Variants in RYR3 observed in about 807,000 individuals in gnomAD.
RYR3 encodes the protein ryanodine receptor 3, also known as brain ryanodine receptor-calcium release channel.
Under a neutral mutation model 584.3 loss-of-function variants are expected in RYR3, and 207 were observed. That is an observed-to-expected ratio of 0.35 (90% CI 0.32 to 0.40). The LOEUF is 0.40. Ranked by LOEUF, RYR3 falls within the 10% of genes least tolerant of loss-of-function variation. RYR3 has a pLI of 1.00. For missense variants in RYR3, 5,616 were observed against 6,089.2 expected, an observed-to-expected ratio of 0.92 and a Z score of 2.59; for synonymous variants, 2,416 against 2,248.5, an observed-to-expected ratio of 1.07 and a Z score of -2.11.
chr15:33,843,775 C>G (rs906859835), intron 92 of RYR3, among the ~76,000 whole-genome samples: 1 of 152,178 alleles, frequency 6.6e-6, no homozygotes, highest in Non-Finnish European at 1.5e-5. Flanking sequence ...AGTGAGGGGA[C>G]TATTTCAATA....
intron 52 of RYR3, among the ~76,000 whole-genome samples, chr15:33,745,234 G>C (rs925813499): frequency 1.3e-5 from 2 of 152,070 alleles, no homozygotes; most frequent in Non-Finnish European, 2.9e-5. Context: ...ATGTAGAGAA[G>C]TAATTTGAGG....
At chr15:33,698,589 G>A (rs1170214483) in intron 40 of RYR3, among the ~76,000 whole-genome samples, 1 of 152,034 alleles carries the variant, frequency 6.6e-6, no homozygotes, top group African/African-American at 2.4e-5. Flanking sequence ...GCAGTAGATC[G>A]GGTATGGCTT....
intron 16 of RYR3, among the ~76,000 whole-genome samples, chr15:33,593,874 A>G (rs1268022166): frequency 3.3e-5 from 5 of 152,182 alleles, no homozygotes; most frequent in Non-Finnish European, 7.3e-5. Context: ...GGTTTGCTTT[A>G]TTATACTTGG....
At position 33,660,177 on chromosome 15, in the gene RYR3, G is replaced by A; in HGVS notation, c.4396-20G>A. Reference sequence around the variant, plus strand: ...AGCAACTGTGTGTTTCTTTTCCAATGCCTTTCCCACGTGCCCCAGAACGCA... The same window carrying A: ...AGCAACTGTGTGTTTCTTTTCCAATACCTTTCCCACGTGCCCCAGAACGCA... On this transcript the variant is annotated intron_variant, in intron 33 of 103. Transcript: ENST00000634891. The A allele has an allele frequency of 6.6e-7, 1 of 1,520,036 alleles. No individual in the cohort carries two copies. The highest frequency in any genetic ancestry group is 8.9e-7 in the Non-Finnish European group (1 of 1,118,968). 94.2% of individuals were successfully genotyped at this position (1,520,036 alleles called of 1,614,324 possible).
At chr15:33,345,979 A>G (rs1397336884) in intron 1 of RYR3, among the ~76,000 whole-genome samples, 1 of 152,232 alleles carries the variant, frequency 6.6e-6, no homozygotes, top group East Asian at 1.9e-4. Flanking sequence ...GTGTTTTTAC[A>G]TAATTATCTT....
chr15:33,491,979 C>G (rs1326003847), intron 2 of RYR3, among the ~76,000 whole-genome samples: 1 of 152,198 alleles, frequency 6.6e-6, no homozygotes, highest in South Asian at 2.1e-4. Flanking sequence ...TTTTACCCAA[C>G]CTCCATACTT....
chr15:33,786,084 A>C, intron 66 of RYR3, 102 bp downstream of exon 66: 1 of 1,068,726 alleles, frequency 9.4e-7, no homozygotes, highest in Non-Finnish European at 1.3e-6. Context: ...CACAAGCTCT[A>C]TTCTATATTT....
At chr15:33,775,405 G>A (rs1287818892) in intron 64 of RYR3, among the ~76,000 whole-genome samples, 1 of 152,042 alleles carries the variant, frequency 6.6e-6, no homozygotes, top group Non-Finnish European at 1.5e-5. Flanking sequence ...AGGCAGCTTC[G>A]CATCTGAGAA....
At chr15:33,781,930 A>C (rs1161190982) in intron 65 of RYR3, among the ~76,000 whole-genome samples, 1 of 152,014 alleles carries the variant, frequency 6.6e-6, no homozygotes, top group Non-Finnish European at 1.5e-5. Context: ...CTTTCCACCA[A>C]AGTGGAAGCT....
intron 67 of RYR3, among the ~76,000 whole-genome samples, chr15:33,799,406 G>T (rs1433155392): frequency 5.3e-5 from 8 of 151,890 alleles, no homozygotes; most frequent in Non-Finnish European, 8.8e-5. Flanking sequence ...ATGGCCAGGG[G>T]TTTCACCAAT....
At chr15:33,533,258 C>T (rs1477385779) in intron 4 of RYR3, 53 bp from the exon 5 acceptor site, 1 of 1,271,040 alleles carries the variant, frequency 7.9e-7, no homozygotes, top group Non-Finnish European at 1.1e-6. Flanking sequence ...TGGTAAGATA[C>T]CAAGACTCAA....
Position 33,838,597 on chromosome 15 carries a change from T to C in RYR3, c.12617T>C (p.Ile4206Thr), listed in dbSNP as rs764000824. The C allele has an allele frequency of 1.9e-5, 30 of 1,613,808 alleles. No homozygotes were observed. The highest frequency in any genetic ancestry group is 1.2e-4 in the Admixed American group (7 of 59,988). Residue 4206 changes from isoleucine to threonine, a missense_variant, in exon 89 of 104, where the codon ATC becomes ACC. Ile to Thr is a moderately conservative substitution (Grantham distance 89). Coordinates refer to ENST00000634891, the MANE Select transcript of RYR3 (RefSeq NM_001036.6). ...FQLLFTILGG[I>T]FQILWSTVFG... ...TTGCTCTTCACCATCCTGGGAGGAA[T>C]CTTTCAGATCCTCTGGAGCACAGTG...
At chr15:33,835,451 C>G (rs548984811) in intron 87 of RYR3, among the ~76,000 whole-genome samples, 1 of 152,152 alleles carries the variant, frequency 6.6e-6, no homozygotes, top group Non-Finnish European at 1.5e-5. Flanking sequence ...AATCCACATC[C>G]CTCTTCTCTC....
chr15:33,834,977 A>T lies in RYR3; in HGVS notation c.11473A>T (p.Ile3825Phe), dbSNP rs376984229. Residue 3825 changes from isoleucine to phenylalanine, a missense_variant, in exon 87 of 104, where the codon ATT becomes TTT. Coordinates refer to ENST00000634891, the MANE Select transcript of RYR3 (RefSeq NM_001036.6). Reference sequence around the variant, plus strand: ...GTCCTCTTCTCTGCAGGGCCCTTGCATTGGTAATCAACAGAGCCTGGCTCA... The same window carrying T: ...GTCCTCTTCTCTGCAGGGCCCTTGCTTTGGTAATCAACAGAGCCTGGCTCA... ...SLTEYIQGPC[I>F]GNQQSLAHSR... 4 of 1,613,788 alleles carry T rather than the reference A, an allele frequency of 2.5e-6. No individual in the cohort carries two copies. In the African/African-American group the frequency reaches 5.3e-5, roughly 22 times the overall value.
intron 10 of RYR3, among the ~76,000 whole-genome samples, chr15:33,561,364 GAAGGGT>G (rs2057389388): frequency 6.6e-6 from 1 of 152,196 alleles, no homozygotes; most frequent in African/African-American, 2.4e-5. Flanking sequence ...GCAGGGTTTT[GAAGGGT>G]GAGTAGTAGT....
At chr15:33,493,733 A>G (rs949694393) in intron 2 of RYR3, among the ~76,000 whole-genome samples, 2 of 152,212 alleles carry the variant, frequency 1.3e-5, no homozygotes, top group African/African-American at 4.8e-5. Context: ...TAATCCTTCC[A>G]GAACAAGCTT....
intron 90 of RYR3, 41 bp from the exon 91 acceptor site, chr15:33,841,823 C>T (rs778681050): frequency 8.3e-6 from 13 of 1,557,450 alleles, no homozygotes; most frequent in African/African-American, 2.7e-5. Context: ...GCCAGACCGC[C>T]CTCCCGTCTG....
At chr15:33,828,072 A>T (rs2152967494) in intron 85 of RYR3, among the ~76,000 whole-genome samples, 1 of 152,330 alleles carries the variant, frequency 6.6e-6, no homozygotes, top group Middle Eastern at 3.4e-3. Context: ...CATTTTGATG[A>T]TTCTCACAAT....
chr15:33,548,324 G>A, intron 9 of RYR3, 120 bp downstream of exon 9: 1 of 626,574 alleles, frequency 1.6e-6, no homozygotes, highest in Non-Finnish European at 2.8e-6. Context: ...CCTTTGTCTA[G>A]AGCTAAGTTC....
Sources: allele counts gnomAD v4.1 joint callset (sites outside exome capture counted in the v4.1 genomes callset), GRCh38; gene constraint gnomAD v4.1.1; transcripts MANE v1.5; gene names NCBI Gene and HGNC (gene_info 2026-07-23, HGNC 2026-07-21).